The following TENM4 variants were observed in gnomAD, a reference collection of about 807,000 sequenced individuals.
TENM4 encodes teneurin-4.
TENM4 carries 82 observed loss-of-function variants against 243.3 expected under a neutral mutation model. That is an observed-to-expected ratio of 0.34 (90% CI 0.28 to 0.40). TENM4 has a LOEUF of 0.40. Ranked by LOEUF, TENM4 falls within the 10% of genes least tolerant of loss-of-function variation. TENM4 has a pLI of 1.00. For missense variants in TENM4, 3,138 were observed against 3,673.3 expected (o/e 0.85, Z 3.77); for synonymous variants, 1,412 against 1,456.3 (o/e 0.97, Z 0.69).
Position 78,889,672 on chromosome 11 carries a change from C to T in TENM4, c.1084+113G>A, listed in dbSNP as rs553726265. 5 of 1,195,634 alleles carry T rather than the reference C, an allele frequency of 4.2e-6. No individual in the cohort carries two copies. The South Asian group carries it at 7.4e-5, about 18-fold the overall frequency. 74.1% of individuals were successfully genotyped at this position (1,195,634 alleles called of 1,614,324 possible). ...GAACTCCAGGGCTGCCTGGCTCACA[C>T]TGCGTGCTTTGCCTGCCATGCTAGT... On this transcript the variant is annotated intron_variant, in intron 9 of 33. Coordinates refer to ENST00000278550, the MANE Select transcript of TENM4 (RefSeq NM_001098816.3).
At chr11:79,067,132 C>T (rs1049560203) in intron 5 of TENM4, among the ~76,000 whole-genome samples, 2 of 152,282 alleles carry the variant, frequency 1.3e-5, no homozygotes, top group East Asian at 1.9e-4. Context: ...GCGGACCAGG[C>T]ATAAAAGAAG....
chr11:79,127,711 T>C (rs531862614), intron 4 of TENM4, among the ~76,000 whole-genome samples: 52 of 152,350 alleles, frequency 3.4e-4, no homozygotes, highest in Non-Finnish European at 6.0e-4. Context: ...GACCTTATGC[T>C]GATCGGATCC....
rs11237822 is a variant in TENM4, at chr11:79,397,289, G to A, written c.-321+43220C>T. ...CCTCAACATAGCCCCATAGTTATAG[G>A]TATTACTGTTATTAACATCCCCATT... On this transcript the variant is annotated intron_variant, in intron 1 of 33. Transcript: ENST00000278550. 4.1e-3 allele frequency among the ~76,000 whole-genome samples: 622 copies of A among 152,198 alleles called. 5 individuals are homozygous for A. The highest frequency in any genetic ancestry group is 0.016 in the South Asian group (79 of 4,816).
chr11:79,136,001 A>G lies in TENM4; in HGVS notation c.-66+12709T>C, dbSNP rs368672652. Among the ~76,000 whole-genome samples the G allele has an allele frequency of 1.6e-3, 238 of 152,000 alleles. 9 individuals carry two copies. In the South Asian group the frequency reaches 0.047, roughly 30 times the overall value. On this transcript the variant is annotated intron_variant, in intron 4 of 33. Coordinates refer to ENST00000278550, the MANE Select transcript of TENM4 (RefSeq NM_001098816.3). ...AGCTAAGCTATGAGGATTCAAAGGCATAACAATGATACAATGGATTTTGGG... is the reference window on the plus strand; with the variant it reads ...AGCTAAGCTATGAGGATTCAAAGGCGTAACAATGATACAATGGATTTTGGG...
intron 9 of TENM4, 75 bp from the exon 10 acceptor site, chr11:78,863,207 G>A: frequency 2.1e-6 from 3 of 1,406,810 alleles, no homozygotes; most frequent in Admixed American, 2.4e-5. Context: ...TAAGGGAAAG[G>A]TGGGCAGGGT....
rs377425737 is a variant in TENM4 at position 79,026,300 on chromosome 11, C to T, written c.493+38438G>A. ...AACTTGAAAGGGTTGTTCAACCAGGCACTGTTATCTCAGGGAGAAACAAAA... is the reference window on the plus strand; with the variant it reads ...AACTTGAAAGGGTTGTTCAACCAGGTACTGTTATCTCAGGGAGAAACAAAA... On this transcript the variant is annotated intron_variant, in intron 6 of 33. Transcript: ENST00000278550. Among the ~76,000 whole-genome samples the T allele has an allele frequency of 1.4e-4, 21 of 152,308 alleles. No homozygotes were observed. The East Asian group carries it at 2.7e-3, about 20-fold the overall frequency.
Position 78,893,780 on chromosome 11 carries a change from T to TACATACACACACACACACACACAC in TENM4, c.750-2445_750-2444insGTGTGTGTGTGTGTGTGTGTATGT, listed in dbSNP as rs1555097811. 2.3e-3 allele frequency among the ~76,000 whole-genome samples: 331 copies of TACATACACACACACACACACACAC among 142,752 alleles called. 3 individuals are homozygous for TACATACACACACACACACACACAC. The highest frequency in any genetic ancestry group is 9.0e-3 in the African/African-American group (326 of 36,094). 93.7% of individuals were successfully genotyped at this position (142,752 alleles called of 152,430 possible). A position where few individuals can be genotyped will look rare whatever the true frequency, so the allele number is the denominator to read the frequency against. On this transcript the variant is annotated intron_variant, in intron 7 of 33. Coordinates refer to ENST00000278550, the MANE Select transcript of TENM4 (RefSeq NM_001098816.3). ...TGTACTGATTTTTCAGGACTTCACA[T>TACATACACACACACACACACACAC]ACACACACACACACACACACTCCTC...
chr11:78,896,171 C>T (rs539770154), intron 7 of TENM4, among the ~76,000 whole-genome samples: 7 of 152,262 alleles, frequency 4.6e-5, no homozygotes, highest in Non-Finnish European at 7.4e-5. Flanking sequence ...TGTCCTGGGC[C>T]GTGTTTCCAC....
chr11:78,837,800 T>A (rs542081345), intron 12 of TENM4, among the ~76,000 whole-genome samples: 15 of 152,336 alleles, frequency 9.8e-5, no homozygotes, highest in East Asian at 9.6e-4. Flanking sequence ...TTTATGATAA[T>A]TTTAATGGCT....
At chr11:79,276,586 C>G (rs575233795) in intron 2 of TENM4, among the ~76,000 whole-genome samples, 370 of 152,300 alleles carry the variant, frequency 2.4e-3, no homozygotes, top group African/African-American at 8.7e-3. Flanking sequence ...GGGCCTTTAT[C>G]CAAGGCCTCT....
chr11:79,086,062 C>T (rs187756454), intron 4 of TENM4, among the ~76,000 whole-genome samples: 136 of 152,296 alleles, frequency 8.9e-4, no homozygotes, highest in African/African-American at 3.2e-3. Context: ...CTAATGGCTC[C>T]CAAGGAATCA....
In TENM4 at chr11:79,250,528, C is replaced by T. The variant is rs541583393; in HGVS notation, c.-264-34619G>A. Among the ~76,000 whole-genome samples, 21 of 152,326 alleles carry T rather than the reference C, an allele frequency of 1.4e-4. No homozygotes were observed. In the South Asian group the frequency reaches 4.3e-3, roughly 32 times the overall value. ...ATTCTCAATCACTGAAGGCCAACCC[C>T]ACTGTTCTATGCACCTTTTTAAGAA... On this transcript the variant is annotated intron_variant, in intron 2 of 33. Coordinates refer to ENST00000278550, the MANE Select transcript of TENM4 (RefSeq NM_001098816.3).
chr11:79,057,813 G>A (rs749837388), intron 6 of TENM4, among the ~76,000 whole-genome samples: 2 of 151,994 alleles, frequency 1.3e-5, no homozygotes, highest in East Asian at 1.9e-4. Flanking sequence ...CCAGTTGCAC[G>A]CGCTTATGTC....
At chr11:79,234,400 A>C (rs1422994201) in intron 2 of TENM4, among the ~76,000 whole-genome samples, 1 of 152,206 alleles carries the variant, frequency 6.6e-6, no homozygotes, top group African/African-American at 2.4e-5. Flanking sequence ...CTGTATAGGC[A>C]TGTGCATCTT....
intron 4 of TENM4, among the ~76,000 whole-genome samples, chr11:79,123,663 C>T (rs865950858): frequency 6.7e-5 from 10 of 149,780 alleles, no homozygotes; most frequent in African/African-American, 2.5e-4. Flanking sequence ...CTGTGCTAGG[C>T]TTGGACTGGG....
intron 11 of TENM4, among the ~76,000 whole-genome samples, chr11:78,854,866 C>A (rs1255882086): frequency 6.6e-6 from 1 of 152,092 alleles, no homozygotes; most frequent in African/African-American, 2.4e-5. Flanking sequence ...TTTCAGGGAG[C>A]AAATTTAGGG....
At chr11:79,271,743 G>A (rs1855973301) in intron 2 of TENM4, among the ~76,000 whole-genome samples, 1 of 152,192 alleles carries the variant, frequency 6.6e-6, no homozygotes, top group Non-Finnish European at 1.5e-5. Context: ...TCTCCCACAG[G>A]GTCCTGGGGT....
At chr11:79,308,409 T>A (rs1856662537) in intron 1 of TENM4, among the ~76,000 whole-genome samples, 1 of 152,228 alleles carries the variant, frequency 6.6e-6, no homozygotes, top group Non-Finnish European at 1.5e-5. Context: ...TTAACTATCA[T>A]AACCGTGAGG....
intron 2 of TENM4, among the ~76,000 whole-genome samples, chr11:79,276,119 G>C (rs1256367550): frequency 1.3e-5 from 2 of 152,202 alleles, no homozygotes; most frequent in African/African-American, 4.8e-5. Context: ...ACCTGGTATG[G>C]GAAGGATCCT....
Sources: gnomAD v4.1 joint callset for allele counts (sites outside exome capture counted in the v4.1 genomes callset) on GRCh38, gnomAD v4.1.1 for gene constraint, MANE v1.5 for transcripts, NCBI Gene and HGNC (gene_info 2026-07-23, HGNC 2026-07-21) for gene names.